Variants in SNED1 observed in about 807,000 individuals in gnomAD.
The protein encoded by SNED1 is sushi, nidogen and EGF-like domain-containing protein 1.
SNED1 carries 81 observed loss-of-function variants against 166.7 expected under a neutral mutation model. The observed-to-expected ratio is 0.49, with a 90% confidence interval of 0.41 to 0.58. The LOEUF (loss-of-function observed/expected upper bound fraction) is 0.58, where lower values mean the gene tolerates loss of function less well. SNED1 is among the 20% of genes least tolerant of loss of function. The pLI, the probability that SNED1 is intolerant of heterozygous loss-of-function variation, is 0.00. For synonymous variants in SNED1, 762 were observed against 822.0 expected (o/e 0.93, Z 1.25); for missense variants, 1,604 against 2,000.2 (o/e 0.80, Z 3.78).
intron 4 of SNED1, among the ~76,000 whole-genome samples, chr2:241,035,838 C>T (rs1315442029): frequency 8.3e-6 from 1 of 120,882 alleles, no homozygotes; most frequent in African/African-American, 3.2e-5. Context: ...GGGGTGCAGG[C>T]GCGCCACAGG....
intron 20 of SNED1, 145 bp downstream of exon 20, chr2:241,065,102 G>A (rs114816306): frequency 0.016 from 13,436 of 815,740 alleles, 158 homozygotes; most frequent in Non-Finnish European, 0.019. Flanking sequence ...AAAATCCCCC[G>A]GTGGGCTTGA....
In SNED1 at chr2:241,048,369, C is replaced by T. The variant is rs771601996; in HGVS notation, c.1328C>T (p.Thr443Ile). The T allele has an allele frequency of 4.3e-5, 69 of 1,611,806 alleles. No individual in the cohort carries two copies. Among genetic ancestry groups the T allele is most frequent in the Middle Eastern group, 1.6e-4 (1 of 6,082 alleles). ...TCGGCCCCTTGCCACAATGGGGGCA[C>T]CTGTGTGGATGCGGACCAGGGCTAC... ...CLSAPCHNGG[T>I]CVDADQGYVC... Residue 443 changes from threonine to isoleucine, a missense_variant, in exon 9 of 32, where the codon ACC becomes ATC. Around this residue, in one of 2 missense-constraint regions of SNED1, gnomAD observed 1,237 missense variants for 1,620.8 expected, o/e 0.76. Coordinates refer to ENST00000310397, the MANE Select transcript of SNED1 (RefSeq NM_001080437.3).
chr2:241,042,631 T>C lies in SNED1; in HGVS notation c.1273+2218T>C, dbSNP rs560318560. Among the ~76,000 whole-genome samples the C allele has an allele frequency of 4.6e-5, 7 of 152,180 alleles. 1 individual carries two copies. In the South Asian group the frequency reaches 1.5e-3, roughly 32 times the overall value. ...ATTATCTATTATGAATATGCTCCTA[T>C]AATCAAGATTGTTGAGGGGAAAAAA... On this transcript the variant is annotated intron_variant, in intron 8 of 31. Transcript: ENST00000310397.
intron 12 of SNED1, among the ~76,000 whole-genome samples, chr2:241,050,778 G>A (rs2061812810): frequency 6.6e-6 from 1 of 152,140 alleles, no homozygotes; most frequent in South Asian, 2.1e-4. Context: ...AGCTGACTCT[G>A]GCCCTACTCC....
chr2:241,090,814 C>T (rs1460385602), intron 31 of SNED1, among the ~76,000 whole-genome samples: 2 of 150,604 alleles, frequency 1.3e-5, no homozygotes, highest in African/African-American at 4.9e-5. Context: ...TTGCAGTGGG[C>T]TGAGATTGCG....
upstream of SNED1, among the ~76,000 whole-genome samples, chr2:240,998,615 GC>G (rs1669383156): frequency 6.6e-6 from 1 of 151,872 alleles, no homozygotes; most frequent in Non-Finnish European, 1.5e-5. Context: ...CAGGGGCGGG[GC>G]TGGCCCCGAA....
Position 241,052,450 on chromosome 2 carries a change from G to A in SNED1, c.2065G>A (p.Gly689Arg), listed in dbSNP as rs565535804. 1 of 1,609,730 alleles carries A rather than the reference G, an allele frequency of 6.2e-7. No homozygotes were observed. Among genetic ancestry groups the A allele is most frequent in the African/African-American group, 1.3e-5 (1 of 74,896 alleles). ...FFCHCQAGYM[G>R]RRCQAEVDCG... ...CTGCCACTGCCAAGCAGGGTACATG[G>A]GACGCCGGTGCCAGGCAGGTGAGAG... Residue 689 changes from glycine (G) to arginine (R), a missense_variant, in exon 15 of 32, where the codon GGA (glycine) becomes AGA (arginine). Physicochemically the swap from Gly to Arg is moderately radical, Grantham distance 125. This residue lies in a region of SNED1 where 1,237 missense variants were observed against 1,620.8 expected (regional missense o/e 0.76). Transcript: ENST00000310397.
At chr2:241,012,936 C>T (rs1416094116) in intron 1 of SNED1, among the ~76,000 whole-genome samples, 3 of 151,452 alleles carry the variant, frequency 2.0e-5, no homozygotes, top group Non-Finnish European at 4.4e-5. Context: ...CCTGGGTTCA[C>T]GCCATCCTCC....
chr2:241,024,235 C>CTTTTTTTTTTTTT lies in SNED1; in HGVS notation c.214-6032_214-6020dup, dbSNP rs10664618. On this transcript the variant is annotated intron_variant, in intron 1 of 31. Coordinates refer to ENST00000310397, the MANE Select transcript of SNED1 (RefSeq NM_001080437.3). ...GTGTAGTTGTATTTCACTCTACTAC[C>CTTTTTTTTTTTTT]TTTTTTTTTTTTTTTTTTTTTTTTT... is the stretch of plus-strand genomic sequence containing the variant. Among the ~76,000 whole-genome samples, 3 of 46,940 alleles carry CTTTTTTTTTTTTT rather than the reference C, an allele frequency of 6.4e-5. 1 individual carries two copies. The highest frequency in any genetic ancestry group is 1.7e-4 in the African/African-American group (2 of 11,926). The allele number at this position is 46,940 out of a possible 152,430, so 30.8% of individuals were successfully genotyped here.
Position 241,069,014 on chromosome 2 carries a change from G to T in SNED1, c.3298G>T (p.Val1100Leu). 1.3e-6 allele frequency: 2 copies of T among 1,550,010 alleles called. No homozygotes were observed. The highest frequency in any genetic ancestry group is 1.7e-6 in the Non-Finnish European group (2 of 1,146,484). ...GAGCCTGGCCACCGCGCCGACGCAC[G>T]TGTGGACCCGTGAGTAGAGCAGCGC... is the stretch of plus-strand genomic sequence containing the variant. Reference protein sequence around the residue: ...TESLATAPTHVWTRPLPPANL... With the variant: ...TESLATAPTHLWTRPLPPANL... The change falls in exon 23 of 32, where the codon GTG (valine) becomes TTG (leucine). Residue 1100 changes from valine to leucine, a missense_variant. Physicochemically the swap from Val to Leu is conservative, Grantham distance 32. This residue lies in a region of SNED1 where 1,237 missense variants were observed against 1,620.8 expected (regional missense o/e 0.76). Coordinates refer to ENST00000310397, the MANE Select transcript of SNED1 (RefSeq NM_001080437.3). This position sits in a 1 kb window ranked among gnomAD's most constrained non-coding sequence, Gnocchi z 4.9.
At chr2:241,058,041 C>T (rs1474988909) in intron 16 of SNED1, among the ~76,000 whole-genome samples, 2 of 152,096 alleles carry the variant, frequency 1.3e-5, no homozygotes, top group Admixed American at 1.3e-4. Flanking sequence ...TGGTATAAAA[C>T]AAGCTAGCAC....
intron 16 of SNED1, among the ~76,000 whole-genome samples, chr2:241,055,003 G>C (rs1399440464): frequency 2.0e-5 from 3 of 152,144 alleles, no homozygotes; most frequent in African/African-American, 7.2e-5. Context: ...TGTAATCCCA[G>C]CTACTCAGGA....
intron 27 of SNED1, among the ~76,000 whole-genome samples, chr2:241,080,077 G>A (rs967997528): frequency 9.9e-5 from 15 of 152,162 alleles, no homozygotes; most frequent in Non-Finnish European, 5.9e-5. Context: ...TTGAGGTCAG[G>A]AGTTTGAATC....
intron 8 of SNED1, among the ~76,000 whole-genome samples, chr2:241,045,386 C>T (rs1457999077): frequency 6.6e-6 from 1 of 152,132 alleles, no homozygotes; most frequent in Non-Finnish European, 1.5e-5. Flanking sequence ...AATCACACTA[C>T]TGAGTATTAA....
intron 1 of SNED1, among the ~76,000 whole-genome samples, chr2:241,029,494 C>T (rs2124973516): frequency 6.6e-6 from 1 of 152,346 alleles, no homozygotes; most frequent in South Asian, 2.1e-4. Flanking sequence ...AAAGGCCCCA[C>T]CTGCTAACAC....
chr2:241,066,034 G>A (rs1228696592), intron 21 of SNED1, among the ~76,000 whole-genome samples: 1 of 152,178 alleles, frequency 6.6e-6, no homozygotes, highest in Admixed American at 6.5e-5. Context: ...ATATGTAGGC[G>A]CTGAGGTGTG....
chr2:241,089,145 C>A, intron 31 of SNED1: 1 of 673,480 alleles, frequency 1.5e-6, no homozygotes, highest in South Asian at 2.1e-5. Context: ...CTGGGATATA[C>A]CATAGAAAGC....
chr2:241,040,229 G>A (rs753390438), intron 7 of SNED1, 41 bp downstream of exon 7: 13 of 1,567,972 alleles, frequency 8.3e-6, no homozygotes, highest in Middle Eastern at 1.7e-4. Flanking sequence ...GCTCCTGCCC[G>A]TGGCCAGGTG....
chr2:241,087,490 C>G lies in SNED1; in HGVS notation c.4205+15C>G. 6.3e-7 allele frequency: 1 copy of G among 1,592,214 alleles called. No individual in the cohort carries two copies. The highest frequency in any genetic ancestry group is 8.6e-7 in the Non-Finnish European group (1 of 1,169,526). On this transcript the variant is annotated intron_variant, in intron 30 of 31. Transcript: ENST00000310397. ...ACCCCAAACAGGTGCCTCTGGGGAGCAGGCCCATGCCGTGTCCTGCATGTA... is the reference window on the plus strand; with the variant it reads ...ACCCCAAACAGGTGCCTCTGGGGAGGAGGCCCATGCCGTGTCCTGCATGTA...
Sources: gnomAD v4.1 joint callset for allele counts (sites outside exome capture counted in the v4.1 genomes callset) on GRCh38, gnomAD v4.1.1 for gene constraint, gnomAD v4.1.1 regional missense constraint, Gnocchi (gnomAD v3.1) non-coding constraint, MANE v1.5 for transcripts, NCBI Gene and HGNC (gene_info 2026-07-23, HGNC 2026-07-21) for gene names.